The following SGCD variants were observed in gnomAD, a reference collection of about 807,000 sequenced individuals.
SGCD encodes sarcoglycan delta.
SGCD carries 18 observed loss-of-function variants against 36.6 expected under a neutral mutation model. The ratio of observed to expected loss-of-function variants is 0.49; its 90% CI spans 0.34 to 0.73. The LOEUF (loss-of-function observed/expected upper bound fraction) is 0.73. SGCD is among the 30% of genes least tolerant of loss of function. The pLI is 0.01. For synonymous variants in SGCD, 133 were observed against 130.6 expected (o/e 1.02, Z -0.12); for missense variants, 387 against 346.7 (o/e 1.12, Z -0.92).
chr5:156,036,331 A>G (rs571417403), intron 1 of SGCD, among the ~76,000 whole-genome samples: 1 of 152,184 alleles, frequency 6.6e-6, no homozygotes, highest in African/African-American at 2.4e-5. Flanking sequence ...GCAGGGGTAC[A>G]TTTCAGGAAA....
At chr5:156,561,150 G>T (rs577020050) in intron 4 of SGCD, among the ~76,000 whole-genome samples, 47 of 152,260 alleles carry the variant, frequency 3.1e-4, no homozygotes, top group Middle Eastern at 6.8e-3. Context: ...TCCACACAGA[G>T]CATATCACTC....
At chr5:155,792,802 C>T in the SGCD span, among the ~76,000 whole-genome samples, 12 of 152,196 alleles carry the variant, frequency 7.9e-5, no homozygotes, top group East Asian at 1.4e-3. Flanking sequence ...ACATTGTTGG[C>T]GGGAATGCAA....
intron 3 of SGCD, among the ~76,000 whole-genome samples, chr5:156,413,298 C>T (rs1580952559): frequency 6.6e-6 from 1 of 152,160 alleles, no homozygotes. Flanking sequence ...GACACTTATG[C>T]TGAGATGCAC....
At chr5:156,459,102 C>T (rs1363202238) in intron 3 of SGCD, among the ~76,000 whole-genome samples, 1 of 152,052 alleles carries the variant, frequency 6.6e-6, no homozygotes, top group Non-Finnish European at 1.5e-5. Context: ...CACCTGAGTC[C>T]AAGCACCCTG....
chr5:156,384,132 A>G (rs537319793), intron 3 of SGCD, among the ~76,000 whole-genome samples: 3 of 152,330 alleles, frequency 2.0e-5, no homozygotes, highest in South Asian at 2.1e-4. Flanking sequence ...AGCACATTCA[A>G]TGCCAGAAAG....
chr5:156,077,502 G>C (rs1455352816), intron 1 of SGCD, among the ~76,000 whole-genome samples: 1 of 152,046 alleles, frequency 6.6e-6, no homozygotes, highest in Non-Finnish European at 1.5e-5. Flanking sequence ...CAGAGTCCAG[G>C]GTGGTAGAAA....
chr5:156,632,441 A>G (rs1197011268), intron 6 of SGCD, among the ~76,000 whole-genome samples: 1 of 152,206 alleles, frequency 6.6e-6, no homozygotes, highest in East Asian at 1.9e-4. Flanking sequence ...TGCAGATAGG[A>G]CACCTTATTT....
intron 3 of SGCD, among the ~76,000 whole-genome samples, chr5:156,297,165 A>T (rs1766919565): frequency 6.6e-6 from 1 of 151,944 alleles, no homozygotes; most frequent in South Asian, 2.1e-4. Flanking sequence ...TTCCACTGAT[A>T]CTCTCTTAGT....
intron 1 of SGCD, among the ~76,000 whole-genome samples, chr5:155,875,911 T>C (rs918019303): frequency 5.9e-5 from 9 of 152,066 alleles, no homozygotes; most frequent in Admixed American, 5.9e-4. Context: ...TTTCGAGGAC[T>C]GATGAGCAAA....
the SGCD span, among the ~76,000 whole-genome samples, chr5:155,817,238 C>A: frequency 2.0e-5 from 3 of 152,026 alleles, no homozygotes; most frequent in Non-Finnish European, 4.4e-5. Flanking sequence ...GCTGTACATA[C>A]AATATGTTTT....
chr5:156,533,352 A>G (rs1581128079), intron 4 of SGCD, among the ~76,000 whole-genome samples: 1 of 152,120 alleles, frequency 6.6e-6, no homozygotes, highest in East Asian at 1.9e-4. Context: ...TACAGTATCT[A>G]CTTGGAAATA....
At chr5:156,604,693 C>A (rs1352764141) in intron 6 of SGCD, among the ~76,000 whole-genome samples, 2 of 148,712 alleles carry the variant, frequency 1.3e-5, no homozygotes, top group Non-Finnish European at 3.0e-5. Flanking sequence ...TATAGTATAT[C>A]CATTATACAT....
chr5:156,704,021 G>A (rs957589271), intron 7 of SGCD: 15 of 152,262 alleles, frequency 9.9e-5, no homozygotes, highest in African/African-American at 3.4e-4. Context: ...CTGAAATCAA[G>A]TGGACTCTTA....
chr5:156,074,211 A>T (rs1760693304), intron 1 of SGCD, among the ~76,000 whole-genome samples: 1 of 152,212 alleles, frequency 6.6e-6, no homozygotes, highest in South Asian at 2.1e-4. Flanking sequence ...ATGTAGCTCA[A>T]GTACCCAGTG....
At chr5:156,683,563 C>T (rs1753797380) in intron 7 of SGCD, among the ~76,000 whole-genome samples, 1 of 152,224 alleles carries the variant, frequency 6.6e-6, no homozygotes, top group South Asian at 2.1e-4. Context: ...TGGCCTGACA[C>T]AGGTCCAAAT....
chr5:156,157,031 A>C (rs1435058784), intron 3 of SGCD, among the ~76,000 whole-genome samples: 1 of 151,638 alleles, frequency 6.6e-6, no homozygotes, highest in Non-Finnish European at 1.5e-5. Flanking sequence ...CTTAATGCTT[A>C]TGTGAGCAAA....
At chr5:156,293,168 A>G in intron 3 of SGCD, among the ~76,000 whole-genome samples, 1 of 152,022 alleles carries the variant, frequency 6.6e-6, no homozygotes, top group Admixed American at 6.6e-5. Context: ...TCAAACTTCA[A>G]GGCTCAAGTG....
At chr5:156,309,631 C>T (rs1767335367) in intron 3 of SGCD, among the ~76,000 whole-genome samples, 3 of 141,156 alleles carry the variant, frequency 2.1e-5, no homozygotes, top group Admixed American at 7.3e-5. Flanking sequence ...GACAGAGTCT[C>T]GCACTGTCGC....
intron 3 of SGCD, among the ~76,000 whole-genome samples, chr5:156,183,320 T>C (rs1337731760): frequency 1.3e-5 from 2 of 152,128 alleles, no homozygotes; most frequent in Non-Finnish European, 1.5e-5. Context: ...AAGTTGAAAA[T>C]AGGATGAGAT....
Sources: gnomAD v4.1 joint callset for allele counts (sites outside exome capture counted in the v4.1 genomes callset) on GRCh38, gnomAD v4.1.1 for gene constraint, MANE v1.5 for transcripts, NCBI Gene and HGNC (gene_info 2026-07-23, HGNC 2026-07-21) for gene names.